The following ARHGEF3 variants were observed in gnomAD, a reference collection of about 807,000 sequenced individuals.
The protein encoded by ARHGEF3 is 59.8 kDA protein.
A neutral mutation model predicts 63.2 loss-of-function variants in ARHGEF3; 28 were observed. The observed-to-expected ratio is 0.44, with a 90% CI of 0.33 to 0.61. The LOEUF (loss-of-function observed/expected upper bound fraction) is 0.61. Ranked by LOEUF, ARHGEF3 falls within the 20% of genes least tolerant of loss-of-function variation. ARHGEF3 has a pLI of 0.03. For missense variants in ARHGEF3, 533 were observed against 659.3 expected (o/e 0.81, Z 2.10); for synonymous variants, 266 against 254.2 (o/e 1.05, Z -0.44).
intron 2 of ARHGEF3, among the ~76,000 whole-genome samples, chr3:57,030,878 GTCC>G (rs1339678550): frequency 6.6e-6 from 1 of 152,186 alleles, no homozygotes; most frequent in Non-Finnish European, 1.5e-5. Flanking sequence ...TATGCAAATA[GTCC>G]TCCTCACAAT....
intron 2 of ARHGEF3, among the ~76,000 whole-genome samples, chr3:56,984,846 G>C (rs991835875): frequency 2.0e-5 from 3 of 152,142 alleles, no homozygotes; most frequent in African/African-American, 7.2e-5. Context: ...GGGGAGCCCG[G>C]CCTTGGACAG....
chr3:57,047,385 A>C (rs1210186341), intron 1 of ARHGEF3, among the ~76,000 whole-genome samples: 2 of 124,518 alleles, frequency 1.6e-5, no homozygotes, highest in African/African-American at 5.8e-5. Context: ...ACAAAAAAAA[A>C]ACTTCGTCTC....
intron 4 of ARHGEF3, among the ~76,000 whole-genome samples, chr3:56,874,981 T>A (rs2040538786): frequency 6.6e-6 from 1 of 152,212 alleles, no homozygotes; most frequent in Non-Finnish European, 1.5e-5. Flanking sequence ...GCTTAATTCA[T>A]ATTAGCCTGC....
At chr3:56,801,638 G>T (rs1386772840) in intron 1 of ARHGEF3, 65 bp downstream of exon 1, 1 of 1,527,784 alleles carries the variant, frequency 6.5e-7, no homozygotes, top group Non-Finnish European at 8.8e-7. Flanking sequence ...GCCGAGAATG[G>T]GAGATGGAGG....
chr3:56,902,148 C>T (rs2041529625), intron 3 of ARHGEF3, among the ~76,000 whole-genome samples: 1 of 152,154 alleles, frequency 6.6e-6, no homozygotes, highest in African/African-American at 2.4e-5. Flanking sequence ...GGCAGTGTAT[C>T]ACCTTGTTCA....
At chr3:56,977,360 C>T (rs1393555895) in intron 2 of ARHGEF3, 2 of 455,888 alleles carry the variant, frequency 4.4e-6, no homozygotes, top group African/African-American at 2.0e-5. Context: ...ACTCTCAGCT[C>T]ACCAGATGGG....
intron 3 of ARHGEF3, among the ~76,000 whole-genome samples, chr3:56,931,633 T>A (rs1438529277): frequency 5.4e-5 from 8 of 148,160 alleles, no homozygotes; most frequent in Admixed American, 5.4e-4. Context: ...AAAAACCAAA[T>A]TTGCAATCTG....
chr3:56,880,383 G>A (rs1285015180), intron 4 of ARHGEF3, among the ~76,000 whole-genome samples: 5 of 152,220 alleles, frequency 3.3e-5, no homozygotes, highest in African/African-American at 1.2e-4. Context: ...TGACCTTGAT[G>A]GGAAGTCAAG....
chr3:56,924,422 C>T lies in ARHGEF3; in HGVS notation c.129+34401G>A, dbSNP rs553099376. On this transcript the variant is annotated intron_variant, in intron 3 of 12. Transcript: ENST00000338458. ...TACAGGAAAGGGGTCCTGATCCAGA[C>T]CCCAAGATAGGGTTCTGGGATCTCA... is the stretch of plus-strand genomic sequence containing the variant. Among the ~76,000 whole-genome samples the T allele has an allele frequency of 2.0e-5, 3 of 152,266 alleles. No individual in the cohort carries two copies. The South Asian group carries it at 6.2e-4, about 32-fold the overall frequency.
At chr3:56,775,082 A>C in intron 1 of ARHGEF3, 2 of 1,551,368 alleles carry the variant, frequency 1.3e-6, no homozygotes, top group Non-Finnish European at 1.7e-6. Context: ...GCAAAGCCAA[A>C]GTAGCCAATT....
chr3:57,064,665 C>G (rs1480538084), intron 1 of ARHGEF3, among the ~76,000 whole-genome samples: 9 of 152,192 alleles, frequency 5.9e-5, no homozygotes, highest in African/African-American at 2.2e-4. Flanking sequence ...GCACATTATG[C>G]TGAGTGAAAT....
chr3:56,881,762 G>C (rs1365292743), intron 4 of ARHGEF3, among the ~76,000 whole-genome samples: 1 of 152,160 alleles, frequency 6.6e-6, no homozygotes, highest in African/African-American at 2.4e-5. Flanking sequence ...GTCAGGTTAA[G>C]TCTTTTCATT....
At chr3:56,921,830 T>A (rs1018840460) in intron 3 of ARHGEF3, among the ~76,000 whole-genome samples, 1 of 152,168 alleles carries the variant, frequency 6.6e-6, no homozygotes, top group African/African-American at 2.4e-5. Context: ...AGGTCAAGAA[T>A]GAATAAATAG....
At chr3:56,760,795 T>A (rs1386053157) in intron 2 of ARHGEF3, among the ~76,000 whole-genome samples, 1 of 152,200 alleles carries the variant, frequency 6.6e-6, no homozygotes, top group Non-Finnish European at 1.5e-5. Context: ...TCTAGGAATA[T>A]AAATCTACTT....
At chr3:56,783,049 G>A (rs1257391175) in intron 1 of ARHGEF3, among the ~76,000 whole-genome samples, 2 of 152,106 alleles carry the variant, frequency 1.3e-5, no homozygotes, top group Admixed American at 6.5e-5. Context: ...GGTTGCTTTC[G>A]GGGGAGCCTT....
intron 1 of ARHGEF3, 151 bp downstream of exon 1, chr3:56,801,552 G>T: frequency 9.4e-7 from 1 of 1,066,922 alleles, no homozygotes; most frequent in Non-Finnish European, 1.3e-6. Context: ...AGAAGACTGT[G>T]GGAGAGATGT....
At chr3:56,882,017 A>G (rs2040782442) in intron 4 of ARHGEF3, among the ~76,000 whole-genome samples, 1 of 152,260 alleles carries the variant, frequency 6.6e-6, no homozygotes, top group Admixed American at 6.5e-5. Flanking sequence ...ACTGGTATTT[A>G]TCTAGATTCT....
At chr3:56,779,376 T>C (rs1239693381) in intron 1 of ARHGEF3, among the ~76,000 whole-genome samples, 2 of 152,204 alleles carry the variant, frequency 1.3e-5, no homozygotes, top group Non-Finnish European at 2.9e-5. Flanking sequence ...GGTTGGTAGT[T>C]GTCAAAGCTA....
chr3:56,983,146 G>A (rs528847916), intron 2 of ARHGEF3, among the ~76,000 whole-genome samples: 20 of 152,134 alleles, frequency 1.3e-4, no homozygotes, highest in Non-Finnish European at 2.2e-4. Flanking sequence ...CCCCTAGGGT[G>A]TATGTATGTA....
Sources: allele counts gnomAD v4.1 joint callset (sites outside exome capture counted in the v4.1 genomes callset), GRCh38; gene constraint gnomAD v4.1.1; transcripts MANE v1.5; gene names NCBI Gene and HGNC (gene_info 2026-07-23, HGNC 2026-07-21).